The following MTA3 variants were observed in gnomAD, a reference collection of about 807,000 sequenced individuals.
MTA3 encodes the protein metastasis-associated protein MTA3.
MTA3 carries 34 observed loss-of-function variants against 83.5 expected under a neutral mutation model. That is an observed-to-expected ratio of 0.41 (90% CI 0.31 to 0.54). The LOEUF (loss-of-function observed/expected upper bound fraction) is 0.54. Among genes scored for constraint, MTA3 ranks in the 20% least tolerant of loss-of-function variants. The pLI is 0.33. For synonymous variants in MTA3, 303 were observed against 252.7 expected, an observed-to-expected ratio of 1.20 and a Z score of -1.89; for missense variants, 761 against 726.4, an observed-to-expected ratio of 1.05 and a Z score of -0.55.
chr2:42,726,035 A>C (rs1667790268), intron 16 of MTA3, among the ~76,000 whole-genome samples: 1 of 152,202 alleles, frequency 6.6e-6, no homozygotes, highest in South Asian at 2.1e-4. Context: ...AACTCAAAGT[A>C]CTGGAAAAAA....
intron 4 of MTA3, among the ~76,000 whole-genome samples, chr2:42,634,578 G>C (rs991566518): frequency 1.3e-5 from 2 of 152,202 alleles, no homozygotes; most frequent in Non-Finnish European, 2.9e-5. Context: ...CCCTCGACAC[G>C]TGAGGATTAT....
intron 3 of MTA3, among the ~76,000 whole-genome samples, chr2:42,592,517 G>A (rs1157335274): frequency 6.6e-6 from 1 of 152,182 alleles, no homozygotes; most frequent in Non-Finnish European, 1.5e-5. Context: ...CTGGGAGATT[G>A]AGGCTGCAGT....
rs376863134 is a variant in MTA3 at position 42,632,987 on chromosome 2, G to A, written c.318-7186G>A. ...TTTTTAAAAAAAAAAAAATACAGTC[G>A]GGCATGGTGGCTTACACCTGTAATC... On this transcript the variant is annotated intron_variant, in intron 4 of 16. Coordinates refer to ENST00000405094, the MANE Select transcript of MTA3 (RefSeq NM_001330442.2). Among the ~76,000 whole-genome samples, 18 of 151,866 alleles carry A rather than the reference G, an allele frequency of 1.2e-4. No homozygotes were observed. In the South Asian group the frequency reaches 3.1e-3, roughly 26 times the overall value.
In MTA3 at chr2:42,516,550, T is replaced by A. The variant is rs186029157; in HGVS notation, c.-141+21296T>A. 5.9e-5 allele frequency among the ~76,000 whole-genome samples: 9 copies of A among 152,312 alleles called. No homozygotes were observed. In the East Asian group the frequency reaches 1.4e-3, roughly 23 times the overall value. ...AAACCCAAGGCAACTGTTATAGTTT[T>A]ATTGTACAAAATGGCAATATCCTGC... On this transcript the variant is annotated intron_variant, in intron 2 of 17. Coordinates refer to the MTA3 transcript ENST00000405592.
chr2:42,613,614 T>G (rs186986835), intron 4 of MTA3: 6 of 152,262 alleles, frequency 3.9e-5, no homozygotes, highest in African/African-American at 1.4e-4. Context: ...TGGTGAATAC[T>G]GATGTTTTAC....
intron 4 of MTA3, among the ~76,000 whole-genome samples, chr2:42,611,322 T>TACACACACAC (rs141803741): frequency 5.6e-4 from 9 of 16,084 alleles, no homozygotes; most frequent in South Asian, 3.8e-3. Context: ...ACTTAACACA[T>TACACACACAC]ACACACACAC....
In MTA3 at chr2:42,551,632, G is replaced by A. The variant is rs151087923; in HGVS notation, c.-140-18805G>A. Among the ~76,000 whole-genome samples, 1,265 of 152,264 alleles carry A rather than the reference G, an allele frequency of 8.3e-3. 10 individuals are homozygous for A. Among genetic ancestry groups the A allele is most frequent in the Non-Finnish European group, 0.013 (863 of 68,026 alleles). On this transcript the variant is annotated intron_variant, in intron 2 of 17. Coordinates refer to the MTA3 transcript ENST00000405592. Reference sequence around the variant, plus strand: ...AAGTACAATATATGGTATGTCAGGTGTGTTATGGAGAGGAATAAAGCGGGA... The same window carrying A: ...AAGTACAATATATGGTATGTCAGGTATGTTATGGAGAGGAATAAAGCGGGA...
At chr2:42,731,051 C>T (rs932018969) in intron 16 of MTA3, among the ~76,000 whole-genome samples, 8 of 151,906 alleles carry the variant, frequency 5.3e-5, no homozygotes, top group South Asian at 2.1e-4. Flanking sequence ...TCAGTTGTAA[C>T]GTCTCCTTTT....
chr2:42,667,783 G>T (rs1690422433), intron 8 of MTA3, among the ~76,000 whole-genome samples: 1 of 152,018 alleles, frequency 6.6e-6, no homozygotes, highest in Non-Finnish European at 1.5e-5. Flanking sequence ...TAGAACTACA[G>T]TCATGTGCTA....
intron 12 of MTA3, among the ~76,000 whole-genome samples, chr2:42,705,287 C>T (rs755036660): frequency 6.6e-6 from 1 of 152,170 alleles, no homozygotes; most frequent in Non-Finnish European, 1.5e-5. Context: ...TTAGGTCAGG[C>T]TTTTACATGG....
chr2:42,743,829 C>T lies in MTA3; in HGVS notation c.1760-9545C>T, dbSNP rs150841640. 2.6e-3 allele frequency among the ~76,000 whole-genome samples: 389 copies of T among 152,224 alleles called. 2 individuals carry two copies. Among genetic ancestry groups the T allele is most frequent in the African/African-American group, 8.1e-3 (337 of 41,514 alleles). On this transcript the variant is annotated intron_variant, in intron 16 of 16. Coordinates refer to ENST00000405094, the MANE Select transcript of MTA3 (RefSeq NM_001330442.2). Reference sequence around the variant, plus strand: ...TGAGCTCTGGGAATGCATCTGCTCTCTTCACGAATTCCAAAAAAAATAGAC... The same window carrying T: ...TGAGCTCTGGGAATGCATCTGCTCTTTTCACGAATTCCAAAAAAAATAGAC...
intron 2 of MTA3, among the ~76,000 whole-genome samples, chr2:42,524,698 G>A (rs1211591996): frequency 6.6e-6 from 1 of 151,718 alleles, no homozygotes; most frequent in East Asian, 1.9e-4. Flanking sequence ...CCTGGCCCAA[G>A]ATTCATGCCA....
At chr2:42,748,201 T>TTG (rs61339061) in intron 16 of MTA3, among the ~76,000 whole-genome samples, 12,949 of 137,368 alleles carry the variant, frequency 0.094, 741 homozygotes, top group South Asian at 0.19. Flanking sequence ...GCTAATGTGT[T>TTG]TGTGTGTGTG....
chr2:42,721,463 G>C (rs866273745), intron 15 of MTA3, among the ~76,000 whole-genome samples: 15 of 151,814 alleles, frequency 9.9e-5, no homozygotes, highest in Non-Finnish European at 1.8e-4. Context: ...GAATGGCTGG[G>C]ACTACAGGTG....
chr2:42,641,623 G>A (rs1573436010), intron 5 of MTA3, among the ~76,000 whole-genome samples: 1 of 152,190 alleles, frequency 6.6e-6, no homozygotes, highest in East Asian at 1.9e-4. Flanking sequence ...CGAGGTGGGC[G>A]GATCACGAGG....
At chr2:42,620,523 C>A (rs552308323) in intron 4 of MTA3, among the ~76,000 whole-genome samples, 1 of 152,108 alleles carries the variant, frequency 6.6e-6, no homozygotes, top group Non-Finnish European at 1.5e-5. Flanking sequence ...GATAGGGTCT[C>A]GCTCTGTTGC....
intron 2 of MTA3, among the ~76,000 whole-genome samples, chr2:42,496,246 T>C (rs1427154183): frequency 6.6e-6 from 1 of 152,242 alleles, no homozygotes; most frequent in East Asian, 1.9e-4. Flanking sequence ...TTCATGCGAT[T>C]TCTTAGAGAG....
intron 3 of MTA3, among the ~76,000 whole-genome samples, chr2:42,600,596 C>T (rs1321774972): frequency 1.3e-5 from 2 of 151,686 alleles, no homozygotes; most frequent in Non-Finnish European, 2.9e-5. Context: ...GGCTGGAGTG[C>T]AGTGGTGTGA....
chr2:42,552,031 G>A (rs1393848529), intron 2 of MTA3, among the ~76,000 whole-genome samples: 3 of 151,796 alleles, frequency 2.0e-5, no homozygotes, highest in Non-Finnish European at 4.4e-5. Context: ...TGGCCTGTTT[G>A]TTTTTTAATA....
Sources: gnomAD v4.1 joint callset for allele counts (sites outside exome capture counted in the v4.1 genomes callset) on GRCh38, gnomAD v4.1.1 for gene constraint, MANE v1.5 for transcripts, NCBI Gene and HGNC (gene_info 2026-07-23, HGNC 2026-07-21) for gene names.